The following ALG13 variants were observed in gnomAD, a reference collection of about 807,000 sequenced individuals.
The protein encoded by ALG13 is ALG13 UDP-N-acetylglucosaminyltransferase subunit.
Under a neutral mutation model 87.8 loss-of-function variants are expected in ALG13, and 11 were observed. That is an observed-to-expected ratio of 0.13 (90% CI 0.08 to 0.21). The LOEUF is 0.21. Ranked by LOEUF, ALG13 falls within the 10% of genes least tolerant of loss-of-function variation. The pLI is 1.00. For synonymous variants in ALG13, 320 were observed against 306.3 expected (o/e 1.04, Z -0.47); for missense variants, 756 against 866.1 (o/e 0.87, Z 1.60).
intron 3 of ALG13, among the ~76,000 whole-genome samples, chrX:111,705,398 T>A (rs1938557888): frequency 8.9e-6 from 1 of 111,988 alleles, no homozygotes; most frequent in African/African-American, 3.2e-5. Context: ...AGATATGTGA[T>A]GTAAAAATAT....
chrX:111,732,416 A>G (rs1942795390), intron 21 of ALG13, among the ~76,000 whole-genome samples: 2 of 112,220 alleles, frequency 1.8e-5, no homozygotes, highest in African/African-American at 6.5e-5. Context: ...ATATAGTTCA[A>G]TGCGAGTTGG....
At chrX:111,702,562 G>A (rs1329153677) in intron 3 of ALG13, among the ~76,000 whole-genome samples, 1 of 110,898 alleles carries the variant, frequency 9.0e-6, no homozygotes, top group Non-Finnish European at 1.9e-5. Context: ...CAAACACATC[G>A]GGTTATCTAA....
intron 23 of ALG13, among the ~76,000 whole-genome samples, chrX:111,739,092 A>G (rs756926460): frequency 8.9e-6 from 1 of 111,864 alleles, no homozygotes; most frequent in South Asian, 3.7e-4. Flanking sequence ...TATATAAAAG[A>G]AAGAGGTTTA....
At chrX:111,728,835 G>A (rs937588951) in intron 19 of ALG13, among the ~76,000 whole-genome samples, 10 of 111,341 alleles carry the variant, frequency 9.0e-5, no homozygotes, top group African/African-American at 3.3e-4. Context: ...TCTGAGGAAT[G>A]TGCTGTCCCT....
rs746055178 is a variant in ALG13 at position 111,711,739 on chromosome X, T to C, written c.885+14T>C. 2.5e-6 allele frequency: 3 copies of C among 1,195,895 alleles called. No homozygotes were observed. The Admixed American group carries it at 6.6e-5, about 26-fold the overall frequency. On this transcript the variant is annotated intron_variant, in intron 6 of 26. Transcript: ENST00000394780. ...GGAGATCCCAAGGTAAGATCAAATATGGGGGTTTAATCTTTTCAGAGTTAT... is the reference window on the plus strand; with the variant it reads ...GGAGATCCCAAGGTAAGATCAAATACGGGGGTTTAATCTTTTCAGAGTTAT...
chrX:111,724,625 G>T (rs761053609), intron 14 of ALG13, among the ~76,000 whole-genome samples: 11 of 111,895 alleles, frequency 9.8e-5, no homozygotes, highest in Non-Finnish European at 5.6e-5. Flanking sequence ...AACCAGAGTG[G>T]TTTACATTCC....
At chrX:111,708,572 A>C (rs1171399410) in intron 4 of ALG13, among the ~76,000 whole-genome samples, 179 bp downstream of exon 4, 1 of 111,730 alleles carries the variant, frequency 9.0e-6, no homozygotes, top group African/African-American at 3.3e-5. Flanking sequence ...CCTTTGCTGA[A>C]TAGTCTATAT....
At chrX:111,746,520 G>T (rs1305167082) in intron 24 of ALG13, among the ~76,000 whole-genome samples, 2 of 111,916 alleles carry the variant, frequency 1.8e-5, no homozygotes, top group Admixed American at 9.5e-5. Context: ...TTTCATGGCC[G>T]AGTAGCATTT....
At chrX:111,691,825 G>A (rs1230033205) in intron 3 of ALG13, among the ~76,000 whole-genome samples, 1 of 112,788 alleles carries the variant, frequency 8.9e-6, no homozygotes, top group Non-Finnish European at 1.9e-5. Context: ...TAGAATCCAT[G>A]TGTAGAATCC....
intron 3 of ALG13, chrX:111,689,773 T>C: frequency 1.3e-6 from 1 of 750,697 alleles, no homozygotes; most frequent in Non-Finnish European, 1.6e-6. Flanking sequence ...CTTTCTACCC[T>C]GCATAATATA....
rs1328845566 is a variant in ALG13 at position 111,759,755 on chromosome X, C to T, written c.3170C>T (p.Ser1057Phe). 5.0e-6 allele frequency: 6 copies of T among 1,206,443 alleles called. No homozygotes were observed. The highest frequency in any genetic ancestry group is 6.7e-6 in the Non-Finnish European group (6 of 892,333). ...SANDTFPNAD[S>F]SSVPHGAVYY... is the part of the protein sequence containing the mutation. ...TCAGATACTTTTCCGAATGCTGATT[C>T]TTCATCTGTCCCTCATGGAGCAGTC... The change falls in exon 27 of 27, where the codon TCT (serine) becomes TTT (phenylalanine). Residue 1057 changes from serine (S) to phenylalanine (F), a missense_variant. Physicochemically the swap from Ser to Phe is radical, Grantham distance 155 (BLOSUM62 -2). Around this residue, in one of 9 missense-constraint regions of ALG13, gnomAD observed 110 missense variants for 104.9 expected, o/e 1.05. Coordinates refer to ENST00000394780, the MANE Select transcript of ALG13 (RefSeq NM_001099922.3).
At position 111,736,950 on chromosome X, in the gene ALG13, T is replaced by C. The variant is rs1050012099; in HGVS notation, c.2695+71T>C. The C allele has an allele frequency of 1.7e-5, 15 of 886,598 alleles. No individual in the cohort carries two copies. The African/African-American group carries it at 2.6e-4, about 16-fold the overall frequency. The allele number at this position is 886,598 out of a possible 1,213,427, so 73.1% of individuals were successfully genotyped here. A position where few individuals can be genotyped will look rare whatever the true frequency, so the allele number is the denominator to read the frequency against. ...CATGAACATGCACATCCAGCTGTTC[T>C]GGTAATTACATACCATTACTTTAAT... is the stretch of plus-strand genomic sequence containing the variant. On this transcript the variant is annotated intron_variant, in intron 23 of 26. Transcript: ENST00000394780.
intron 24 of ALG13, among the ~76,000 whole-genome samples, chrX:111,748,618 C>T (rs976249254): frequency 8.9e-6 from 1 of 111,827 alleles, no homozygotes; most frequent in African/African-American, 3.3e-5. Context: ...TATTGAGTTG[C>T]AGACGTTCTC....
intron 8 of ALG13, among the ~76,000 whole-genome samples, chrX:111,716,517 C>T (rs1940621223): frequency 8.9e-6 from 1 of 112,350 alleles, no homozygotes; most frequent in Non-Finnish European, 1.9e-5. Flanking sequence ...CAAAGGATTT[C>T]TCTGCTCAAA....
rs1373079582 is a variant in ALG13, at chrX:111,727,208, G to A, written c.1977-124G>A. 5 of 887,579 alleles carry A rather than the reference G, an allele frequency of 5.6e-6. No homozygotes were observed. The African/African-American group carries it at 1.0e-4, about 18-fold the overall frequency. The allele number at this position is 887,579 out of a possible 1,213,427, so 73.1% of individuals were successfully genotyped here. On this transcript the variant is annotated intron_variant, in intron 16 of 26. Transcript: ENST00000394780. ...AGTTAGCCCTAATGCCAGTATTGCA[G>A]AGAGCAGAGCTCTTTCTAGTTGAAT...
At chrX:111,706,763 A>G (rs958617679) in intron 3 of ALG13, 1 of 110,792 alleles carries the variant, frequency 9.0e-6, no homozygotes, top group Non-Finnish European at 1.9e-5. Flanking sequence ...AGACACTTTA[A>G]AAAAATAAAA....
intron 24 of ALG13, among the ~76,000 whole-genome samples, chrX:111,751,227 C>A (rs987807152): frequency 9.1e-6 from 1 of 109,776 alleles, no homozygotes; most frequent in African/African-American, 3.3e-5. Flanking sequence ...TGCCACCACA[C>A]CTGGCTAATT....
chrX:111,699,689 C>A (rs1937468609), intron 3 of ALG13, among the ~76,000 whole-genome samples: 1 of 111,224 alleles, frequency 9.0e-6, no homozygotes, highest in Non-Finnish European at 1.9e-5. Flanking sequence ...GAAAATTGAC[C>A]ATAAATGTTT....
intron 23 of ALG13, among the ~76,000 whole-genome samples, chrX:111,741,300 A>G (rs1375642140): frequency 9.0e-6 from 1 of 111,604 alleles, no homozygotes; most frequent in African/African-American, 3.3e-5. Context: ...AGAAATATCC[A>G]ATTTTTTAAT....
Sources: allele counts gnomAD v4.1 joint callset (sites outside exome capture counted in the v4.1 genomes callset), GRCh38; gene constraint gnomAD v4.1.1; regional missense constraint gnomAD v4.1.1; transcripts MANE v1.5; gene names NCBI Gene and HGNC (gene_info 2026-07-23, HGNC 2026-07-21).